The following DPY19L1 variants were observed in gnomAD, a reference collection of about 807,000 sequenced individuals.
DPY19L1 encodes dpy-19 like C-mannosyltransferase 1.
A neutral mutation model predicts 96.9 loss-of-function variants in DPY19L1; 35 were observed. The observed-to-expected ratio is 0.36, with a 90% confidence interval of 0.28 to 0.48. DPY19L1 has a LOEUF of 0.48. Ranked by LOEUF, DPY19L1 falls within the 20% of genes least tolerant of loss-of-function variation. DPY19L1 has a pLI of 0.99. For missense variants in DPY19L1, 521 were observed against 777.9 expected (o/e 0.67, Z 3.93); for synonymous variants, 205 against 252.6 (o/e 0.81, Z 1.79).
At chr7:34,996,882 T>C (rs1250618681) in intron 6 of DPY19L1, among the ~76,000 whole-genome samples, 1 of 152,116 alleles carries the variant, frequency 6.6e-6, no homozygotes, top group Non-Finnish European at 1.5e-5. Flanking sequence ...CTGACAACAG[T>C]GTGCAGAGCA....
intron 3 of DPY19L1, among the ~76,000 whole-genome samples, chr7:35,014,635 C>T (rs1785799181): frequency 6.6e-6 from 1 of 152,170 alleles, no homozygotes; most frequent in African/African-American, 2.4e-5. Context: ...GGTCTTGATA[C>T]TCTGATGTAT....
At chr7:34,991,205 T>C (rs1447626318) in intron 6 of DPY19L1, among the ~76,000 whole-genome samples, 1 of 152,186 alleles carries the variant, frequency 6.6e-6, no homozygotes, top group Non-Finnish European at 1.5e-5. Context: ...ATGTCTGAAA[T>C]ACCACTCACA....
intron 7 of DPY19L1, among the ~76,000 whole-genome samples, chr7:34,981,634 A>G (rs1412033499): frequency 6.6e-6 from 1 of 152,184 alleles, no homozygotes; most frequent in Non-Finnish European, 1.5e-5. Flanking sequence ...ACACAACATC[A>G]TATGTGCCAT....
At chr7:34,992,382 A>G (rs904632705) in intron 6 of DPY19L1, among the ~76,000 whole-genome samples, 10 of 152,160 alleles carry the variant, frequency 6.6e-5, no homozygotes, top group African/African-American at 2.4e-4. Context: ...AGCTGTCCAA[A>G]AAAACAACCC....
intron 6 of DPY19L1, chr7:35,000,592 C>A (rs1161577498): frequency 6.6e-6 from 1 of 152,098 alleles, no homozygotes. Context: ...ACAATAGGAT[C>A]CTGAAAAATG....
At chr7:34,945,764 T>C in intron 15 of DPY19L1, 48 bp from the exon 16 acceptor site, 3 of 1,313,692 alleles carry the variant, frequency 2.3e-6, no homozygotes, top group Non-Finnish European at 3.2e-6. Flanking sequence ...TTGGGAAAAA[T>C]GATATTTTAA....
Position 35,037,154 on chromosome 7 carries a change from A to C in DPY19L1, c.241T>G (p.Trp81Gly), listed in dbSNP as rs1786442060. 5.5e-6 allele frequency: 1 copy of C among 181,426 alleles called. No homozygotes were observed. The highest frequency in any genetic ancestry group is 2.4e-5 in the African/African-American group (1 of 41,066). The allele number at this position is 181,426 out of a possible 1,614,324, so 11.2% of individuals were successfully genotyped here. A position where few individuals can be genotyped will look rare whatever the true frequency, so the allele number is the denominator to read the frequency against. The change falls in exon 1 of 22, where the codon TGG becomes GGG. Residue 81 changes from tryptophan (W) to glycine (G), a missense_variant. Transcript: ENST00000638088. ...CCCGCGCGCCGCAGGCCCAGCGCCC[A>C]GCGCAGCCGGGCGGCCAGGCGCCCC... is the stretch of plus-strand genomic sequence containing the variant. Reference protein sequence around the residue: ...LGGRLAARLRWALGLRRAGRG... With the variant: ...LGGRLAARLRGALGLRRAGRG...
chr7:35,014,880 A>G (rs1303050677), intron 3 of DPY19L1, among the ~76,000 whole-genome samples: 1 of 152,180 alleles, frequency 6.6e-6, no homozygotes, highest in Non-Finnish European at 1.5e-5. Context: ...ACAGGCACAC[A>G]GGGGAAAAGG....
intron 8 of DPY19L1, among the ~76,000 whole-genome samples, chr7:34,972,634 G>C (rs1464141647): frequency 1.3e-5 from 2 of 152,178 alleles, no homozygotes; most frequent in Non-Finnish European, 2.9e-5. Flanking sequence ...AGATGTTTGA[G>C]AAGGGACCAT....
intron 1 of DPY19L1, among the ~76,000 whole-genome samples, chr7:35,033,278 G>A (rs1034776457): frequency 6.6e-6 from 1 of 152,142 alleles, no homozygotes; most frequent in African/African-American, 2.4e-5. Context: ...TACTTAAAGA[G>A]GGTATTTCCT....
At chr7:34,994,389 G>C (rs1431314056) in intron 6 of DPY19L1, among the ~76,000 whole-genome samples, 1 of 151,930 alleles carries the variant, frequency 6.6e-6, no homozygotes, top group Non-Finnish European at 1.5e-5. Flanking sequence ...TGACACTTGG[G>C]GAATTTAATG....
At chr7:34,987,145 A>G (rs1351899765) in intron 7 of DPY19L1, among the ~76,000 whole-genome samples, 1 of 152,068 alleles carries the variant, frequency 6.6e-6, no homozygotes, top group Non-Finnish European at 1.5e-5. Context: ...CCATCAACAC[A>G]TGTTGTGTGC....
intron 21 of DPY19L1, among the ~76,000 whole-genome samples, chr7:34,934,055 C>G (rs1345578926): frequency 2.0e-5 from 3 of 150,952 alleles, no homozygotes; most frequent in African/African-American, 7.3e-5. Flanking sequence ...GCTCCACCTC[C>G]CAGGTTCACG....
At chr7:34,946,229 A>G (rs1382241413) in intron 15 of DPY19L1, among the ~76,000 whole-genome samples, 2 of 152,194 alleles carry the variant, frequency 1.3e-5, no homozygotes, top group East Asian at 3.9e-4. Flanking sequence ...CTCCAGTACA[A>G]ATATTCTCTA....
intron 7 of DPY19L1, among the ~76,000 whole-genome samples, chr7:34,976,773 G>T (rs1477531694): frequency 6.6e-6 from 1 of 152,092 alleles, no homozygotes; most frequent in Non-Finnish European, 1.5e-5. Flanking sequence ...GAAGGTTCAG[G>T]TGATCACTGG....
At chr7:35,002,651 A>C (rs1584248922) in intron 6 of DPY19L1, among the ~76,000 whole-genome samples, 2 of 83,324 alleles carry the variant, frequency 2.4e-5, no homozygotes, top group African/African-American at 3.7e-5. Context: ...ATAGAGACAA[A>C]GAAGATATTC....
intron 1 of DPY19L1, among the ~76,000 whole-genome samples, chr7:35,020,766 T>C (rs1419159138): frequency 2.0e-5 from 3 of 152,206 alleles, no homozygotes; most frequent in South Asian, 2.1e-4. Flanking sequence ...TGGAGTGCAG[T>C]GGCATGATCT....
At chr7:35,002,648 CAAAG>C (rs72486466) in intron 6 of DPY19L1, among the ~76,000 whole-genome samples, 39,604 of 151,886 alleles carry the variant, frequency 0.26, 5,322 homozygotes, top group Non-Finnish European at 0.31. Flanking sequence ...ACCATAGAGA[CAAAG>C]AAGATATTCT....
chr7:35,029,514 G>T (rs1371092499), intron 1 of DPY19L1, among the ~76,000 whole-genome samples: 1 of 152,150 alleles, frequency 6.6e-6, no homozygotes, highest in East Asian at 1.9e-4. Flanking sequence ...CCAATGGTAA[G>T]ATATGCATTC....
Sources: allele counts gnomAD v4.1 joint callset (sites outside exome capture counted in the v4.1 genomes callset), GRCh38; gene constraint gnomAD v4.1.1; transcripts MANE v1.5; gene names NCBI Gene and HGNC (gene_info 2026-07-23, HGNC 2026-07-21).